SESTD1: variants seen among roughly 807,000 people sequenced by gnomAD.
SESTD1 encodes SEC14 domain and spectrin repeat-containing protein 1.
SESTD1 carries 43 observed loss-of-function variants against 101.7 expected under a neutral mutation model. The observed-to-expected ratio is 0.42, with a 90% CI of 0.33 to 0.55. SESTD1 has a LOEUF of 0.55. SESTD1 is among the 20% of genes least tolerant of loss of function. The pLI is 0.07. For synonymous variants in SESTD1, 283 were observed against 286.8 expected (o/e 0.99, Z 0.13); for missense variants, 647 against 815.1 (o/e 0.79, Z 2.51).
Position 179,103,902 on chromosome 2 carries a change from CT to C in SESTD1, c.*5996del, listed in dbSNP as rs2154393362. ...TTTATGTAAAAAAGCCAACAATGAA[CT>C]CTAGTTAATGATATGCAATTTAAAA... On this transcript the variant is annotated 3_prime_UTR_variant, in exon 18 of 18. Coordinates refer to ENST00000428443, the MANE Select transcript of SESTD1 (RefSeq NM_178123.5). 6.6e-6 allele frequency: 1 copy of C among 152,232 alleles called. No homozygotes were observed. The highest frequency in any genetic ancestry group is 2.4e-5 in the African/African-American group (1 of 41,546). 9.4% of individuals were successfully genotyped at this position (152,232 alleles called of 1,614,324 possible). A position where few individuals can be genotyped will look rare whatever the true frequency, so the allele number is the denominator to read the frequency against.
Position 179,105,155 on chromosome 2 carries a change from T to G in SESTD1, c.*4744A>C, listed in dbSNP as rs921974552. The G allele has an allele frequency of 1.3e-5, 2 of 150,384 alleles. No individual in the cohort carries two copies. Among genetic ancestry groups the G allele is most frequent in the Non-Finnish European group, 2.9e-5 (2 of 67,804 alleles). 9.3% of individuals were successfully genotyped at this position (150,384 alleles called of 1,614,324 possible). On this transcript the variant is annotated 3_prime_UTR_variant, in exon 18 of 18. Coordinates refer to ENST00000428443, the MANE Select transcript of SESTD1 (RefSeq NM_178123.5). ...CTCTAAGCATAGCCAGCACTAATTGTGGTCTTTTCATGCTTTGTTCTGTTT... is the reference window on the plus strand; with the variant it reads ...CTCTAAGCATAGCCAGCACTAATTGGGGTCTTTTCATGCTTTGTTCTGTTT...
intron 1 of SESTD1, among the ~76,000 whole-genome samples, chr2:179,249,564 C>G (rs1040512895): frequency 4.6e-5 from 7 of 152,104 alleles, no homozygotes; most frequent in Admixed American, 4.6e-4. Context: ...TGCAGACTCA[C>G]TATAGAAACG....
At chr2:179,188,480 AT>A (rs1453315124) in intron 2 of SESTD1, among the ~76,000 whole-genome samples, 1 of 152,196 alleles carries the variant, frequency 6.6e-6, no homozygotes, top group Non-Finnish European at 1.5e-5. Context: ...TTTACAAAAA[AT>A]ACAAAAATTG....
intron 16 of SESTD1, among the ~76,000 whole-genome samples, chr2:179,113,185 C>A (rs1427396957): frequency 6.6e-6 from 1 of 152,142 alleles, no homozygotes; most frequent in African/African-American, 2.4e-5. Context: ...AGTATTCTTT[C>A]ATTTATATTA....
At chr2:179,137,799 A>G (rs2045184682) in intron 9 of SESTD1, among the ~76,000 whole-genome samples, 1 of 152,220 alleles carries the variant, frequency 6.6e-6, no homozygotes, top group African/African-American at 2.4e-5. Context: ...CATTAAAAAC[A>G]AAAGAAGTTT....
intron 4 of SESTD1, among the ~76,000 whole-genome samples, chr2:179,172,780 T>G (rs2045949238): frequency 2.6e-5 from 4 of 152,332 alleles, no homozygotes; most frequent in Middle Eastern, 6.8e-3. Context: ...TTATACTACC[T>G]AATGAACTGA....
intron 13 of SESTD1, among the ~76,000 whole-genome samples, chr2:179,120,957 G>A (rs1464918374): frequency 6.6e-6 from 1 of 152,174 alleles, no homozygotes; most frequent in Non-Finnish European, 1.5e-5. Context: ...GATGGAGTTA[G>A]GAGTCAGGAG....
At chr2:179,174,347 A>T in intron 4 of SESTD1, 2 of 420,548 alleles carry the variant, frequency 4.8e-6, no homozygotes, top group Non-Finnish European at 4.7e-6. Flanking sequence ...AAAGCTGTTA[A>T]AATACCTATC....
chr2:179,173,599 C>T (rs1450143895), intron 4 of SESTD1, among the ~76,000 whole-genome samples: 1 of 152,158 alleles, frequency 6.6e-6, no homozygotes, highest in African/African-American at 2.4e-5. Context: ...TCTAAGATAA[C>T]AGAGTTAAAA....
intron 5 of SESTD1, among the ~76,000 whole-genome samples, chr2:179,165,960 T>C (rs2045826721): frequency 6.6e-6 from 1 of 152,146 alleles, no homozygotes. Flanking sequence ...CTGAAGCCAC[T>C]GGAGAGCTAA....
chr2:179,212,124 G>T (rs1289737972), intron 1 of SESTD1, among the ~76,000 whole-genome samples: 1 of 135,126 alleles, frequency 7.4e-6, no homozygotes, highest in East Asian at 2.0e-4. Context: ...TGAGGTACCT[G>T]GTTCATCTCA....
At chr2:179,178,524 G>C (rs1019596869) in intron 3 of SESTD1, among the ~76,000 whole-genome samples, 1 of 152,138 alleles carries the variant, frequency 6.6e-6, no homozygotes, top group Non-Finnish European at 1.5e-5. Context: ...ATGACTATCT[G>C]TGGGCTCAAG....
intron 1 of SESTD1, among the ~76,000 whole-genome samples, chr2:179,247,044 C>A (rs2105552024): frequency 6.6e-6 from 1 of 152,226 alleles, no homozygotes; most frequent in South Asian, 2.1e-4. Context: ...TCCACTTGGG[C>A]ACATATTCTT....
chr2:179,161,193 A>G (rs2045729844), intron 5 of SESTD1, among the ~76,000 whole-genome samples: 1 of 150,690 alleles, frequency 6.6e-6, no homozygotes, highest in African/African-American at 2.4e-5. Context: ...AAGTGTTGGG[A>G]TTACAGGTGT....
In SESTD1 at chr2:179,200,861, G is replaced by T. The variant is rs1205693104; in HGVS notation, c.-25-8995C>A. Among the ~76,000 whole-genome samples the T allele has an allele frequency of 2.5e-4, 34 of 133,906 alleles. 10 individuals are homozygous for T. The highest frequency in any genetic ancestry group is 1.7e-3 in the Admixed American group (23 of 13,830). 87.8% of individuals were successfully genotyped at this position (133,906 alleles called of 152,430 possible). A position where few individuals can be genotyped will look rare whatever the true frequency, so the allele number is the denominator to read the frequency against. On this transcript the variant is annotated intron_variant, in intron 1 of 17. Transcript: ENST00000428443. ...CATTACCATTCAGGACATAGGCATG[G>T]GCAAGGACTTCATGTCTAAAACACC...
At chr2:179,185,707 CAATATAT>C (rs1294012522) in intron 2 of SESTD1, among the ~76,000 whole-genome samples, 7 of 121,298 alleles carry the variant, frequency 5.8e-5, no homozygotes, top group African/African-American at 2.4e-4. Context: ...ATATTATATA[CAATATAT>C]AATATAGCAT....
chr2:179,199,871 G>C (rs1235773178), intron 1 of SESTD1, among the ~76,000 whole-genome samples: 2 of 152,218 alleles, frequency 1.3e-5, no homozygotes, highest in African/African-American at 4.8e-5. Flanking sequence ...GCACAAGACA[G>C]AGATGCCCTC....
In SESTD1 at chr2:179,176,431, G is replaced by A. The variant is rs752135793; in HGVS notation, c.255+17C>T. 24 of 1,604,972 alleles carry A rather than the reference G, an allele frequency of 1.5e-5. No individual in the cohort carries two copies. Among genetic ancestry groups the A allele is most frequent in the Non-Finnish European group, 1.9e-5 (22 of 1,173,396 alleles). On this transcript the variant is annotated intron_variant, in intron 4 of 17. Coordinates refer to ENST00000428443, the MANE Select transcript of SESTD1 (RefSeq NM_178123.5). ...GTAAAATAAAAACCATTTCCTGATA[G>A]ACAAAACCAAAATTACCTGTAGCAT...
Position 179,176,467 on chromosome 2 carries a change from G to C in SESTD1, c.236C>G (p.Thr79Arg). 1 of 1,613,318 alleles carries C rather than the reference G, an allele frequency of 6.2e-7. No individual in the cohort carries two copies. The highest frequency in any genetic ancestry group is 8.5e-7 in the Non-Finnish European group (1 of 1,179,698). Residue 79 changes from threonine to arginine, a missense_variant, in exon 4 of 18, where the codon ACA (threonine) becomes AGA (arginine). By Grantham distance (71) the Thr-to-Arg change is moderately conservative. This residue lies in a region of SESTD1 where 168 missense variants were observed against 235.1 expected (regional missense o/e 0.71). Transcript: ENST00000428443. ...AATTACCTGTAGCATTACGACTACT[G>C]TTTTCACCACATTCCACTGTGATTT... is the stretch of plus-strand genomic sequence containing the variant. Reference protein sequence around the residue: ...GRKSQWNVVKTVVVMLQNVVP... With the variant: ...GRKSQWNVVKRVVVMLQNVVP...
Sources: gnomAD v4.1 joint callset for allele counts (sites outside exome capture counted in the v4.1 genomes callset) on GRCh38, gnomAD v4.1.1 for gene constraint, gnomAD v4.1.1 regional missense constraint, MANE v1.5 for transcripts, NCBI Gene and HGNC (gene_info 2026-07-23, HGNC 2026-07-21) for gene names.